The following PCDHA8 variants were observed in gnomAD, a reference collection of about 807,000 sequenced individuals.
PCDHA8 encodes the protein protocadherin alpha 8, also known as protocadherin alpha-8.
A neutral mutation model predicts 61.8 loss-of-function variants in PCDHA8; 53 were observed. The observed-to-expected ratio is 0.86, with a 90% confidence interval of 0.69 to 1.08. PCDHA8 has a LOEUF of 1.08. PCDHA8 is among the 50% of genes least tolerant of loss of function. The pLI, the probability that PCDHA8 is intolerant of heterozygous loss-of-function variation, is 0.00. For missense variants in PCDHA8, 1,293 were observed against 1,245.0 expected, an observed-to-expected ratio of 1.04 and a Z score of -0.58; for synonymous variants, 618 against 556.6, an observed-to-expected ratio of 1.11 and a Z score of -1.55.
intron 1 of PCDHA8, among the ~76,000 whole-genome samples, chr5:140,896,969 CACAA>C (rs1554187153): frequency 2.0e-5 from 3 of 152,106 alleles, no homozygotes; most frequent in African/African-American, 7.2e-5. Context: ...TTATTCTTTG[CACAA>C]ACAAACCAGT....
chr5:140,990,562 C>T (rs2097400496), intron 3 of PCDHA8, among the ~76,000 whole-genome samples: 1 of 152,210 alleles, frequency 6.6e-6, no homozygotes, highest in Non-Finnish European at 1.5e-5. Context: ...CAAGAACACA[C>T]ACCTGTTCGA....
chr5:140,865,376 G>A (rs1554159396), intron 1 of PCDHA8: 1 of 152,162 alleles, frequency 6.6e-6, no homozygotes, highest in African/African-American at 2.4e-5. Context: ...CATGTTATAG[G>A]TAGGGTAAAG....
At chr5:140,857,050 G>T in intron 1 of PCDHA8, 1 of 1,595,508 alleles carries the variant, frequency 6.3e-7, no homozygotes, top group Non-Finnish European at 8.6e-7. Flanking sequence ...GTCACTGCAC[G>T]GTCCTAGTGG....
intron 3 of PCDHA8, among the ~76,000 whole-genome samples, chr5:140,990,378 T>G (rs1554251448): frequency 6.6e-6 from 1 of 152,128 alleles, no homozygotes; most frequent in African/African-American, 2.4e-5. Context: ...GCAAATTTGT[T>G]GGTGATGTTC....
chr5:140,940,158 C>T (rs1159450232), intron 1 of PCDHA8, among the ~76,000 whole-genome samples: 3 of 151,970 alleles, frequency 2.0e-5, no homozygotes, highest in African/African-American at 7.3e-5. Context: ...TTTTTGTTTG[C>T]CTGAAATGTC....
chr5:140,924,103 TC>T (rs1377290150), intron 1 of PCDHA8, among the ~76,000 whole-genome samples: 1 of 152,234 alleles, frequency 6.6e-6, no homozygotes, highest in African/African-American at 2.4e-5. Flanking sequence ...AAATTTTCAT[TC>T]CAAAGCAGTT....
At chr5:140,900,014 T>C (rs1002415971) in intron 1 of PCDHA8, among the ~76,000 whole-genome samples, 1 of 152,032 alleles carries the variant, frequency 6.6e-6, no homozygotes, top group African/African-American at 2.4e-5. Flanking sequence ...CTCACTTTGT[T>C]ACCCAGTTTG....
rs1275122592 is a variant in PCDHA8 at position 140,843,553 on chromosome 5, G to C, written c.2232G>C (p.Ala744=). The change falls in exon 1 of 4, where the codon GCG becomes GCC. Residue 744 remains alanine, a synonymous_variant. Transcript: ENST00000531613. Reference sequence around the variant, plus strand: ...AGCCCACTCTGGTGTGCTCCAGTGCGGTGGGGAGCTGGTCATACTCGCAAC... The same window carrying C: ...AGCCCACTCTGGTGTGCTCCAGTGCCGTGGGGAGCTGGTCATACTCGCAAC... ...AGKPTLVCSS[A]VGSWSYSQQQ... 1.3e-6 allele frequency: 2 copies of C among 1,595,812 alleles called. No individual in the cohort carries two copies. The highest frequency in any genetic ancestry group is 1.7e-6 in the Non-Finnish European group (2 of 1,165,464).
At chr5:141,008,206 G>A (rs979113429) in intron 3 of PCDHA8, among the ~76,000 whole-genome samples, 1 of 152,184 alleles carries the variant, frequency 6.6e-6, no homozygotes, top group African/African-American at 2.4e-5. Flanking sequence ...TAATGAACTT[G>A]ACATGAGTTA....
chr5:140,959,696 G>A (rs1344206142), intron 1 of PCDHA8, among the ~76,000 whole-genome samples: 1 of 152,098 alleles, frequency 6.6e-6, no homozygotes, highest in Non-Finnish European at 1.5e-5. Flanking sequence ...AATAAAATGA[G>A]CTTTGAAAGG....
At chr5:140,902,125 A>G (rs530625414) in intron 1 of PCDHA8, among the ~76,000 whole-genome samples, 27 of 150,728 alleles carry the variant, frequency 1.8e-4, no homozygotes, top group African/African-American at 6.1e-4. Context: ...CTGAGATTAT[A>G]TCATCTGCAA....
intron 1 of PCDHA8, chr5:140,866,765 C>G (rs1053050045): frequency 6.6e-6 from 1 of 152,122 alleles, no homozygotes; most frequent in Non-Finnish European, 1.5e-5. Context: ...GACATACAGG[C>G]AGATTGTATG....
At position 140,856,102 on chromosome 5, in the gene PCDHA8, TCTC is replaced by T. The variant is rs782690525; in HGVS notation, c.2394+12391_2394+12393del. On this transcript the variant is annotated intron_variant, in intron 1 of 3. Coordinates refer to ENST00000531613, the MANE Select transcript of PCDHA8 (RefSeq NM_018911.3). Reference sequence around the variant, plus strand: ...TCCAGTGTCTGCTGCTCTCGCTTCTTCTCCTCGCAGCCTGGGAGGTGGGGAGCG... The same window carrying T: ...TCCAGTGTCTGCTGCTCTCGCTTCTTCTCGCAGCCTGGGAGGTGGGGAGCG... 5.6e-6 allele frequency: 9 copies of T among 1,597,726 alleles called. 1 individual carries two copies. The South Asian group carries it at 7.7e-5, about 14-fold the overall frequency.
At chr5:140,947,755 G>T (rs1415482913) in intron 1 of PCDHA8, among the ~76,000 whole-genome samples, 1 of 151,450 alleles carries the variant, frequency 6.6e-6, no homozygotes, top group Non-Finnish European at 1.5e-5. Flanking sequence ...GTATTTTATG[G>T]TTTAAAAAAT....
In PCDHA8 at chr5:140,842,531, T is replaced by G; in HGVS notation, c.1210T>G (p.Tyr404Asp). 1 of 1,613,052 alleles carries G rather than the reference T, an allele frequency of 6.2e-7. No homozygotes were observed. Among genetic ancestry groups the G allele is most frequent in the Non-Finnish European group, 8.5e-7 (1 of 1,179,102 alleles). Residue 404 changes from tyrosine to aspartate, a missense_variant, in exon 1 of 4, where the codon TAC becomes GAC. By Grantham distance (160) the Tyr-to-Asp change is radical. Coordinates refer to ENST00000531613, the MANE Select transcript of PCDHA8 (RefSeq NM_018911.3). The stretch of plus-strand genomic sequence containing the variant: ...CAAGCTGGTGTCCACCTTCAAGAAT[T>G]ACTACTCGTTGGTGCTGGACAGCGC... The part of the protein sequence containing the change: ...PFKLVSTFKN[Y>D]YSLVLDSALD...
intron 3 of PCDHA8, among the ~76,000 whole-genome samples, chr5:140,988,219 G>C (rs976112285): frequency 1.3e-5 from 2 of 152,132 alleles, no homozygotes; most frequent in African/African-American, 2.4e-5. Flanking sequence ...AAAAAAATGA[G>C]ATCAGGGATC....
chr5:140,982,611 T>G, intron 3 of PCDHA8, 48 bp downstream of exon 3: 2 of 1,600,048 alleles, frequency 1.2e-6, no homozygotes, highest in South Asian at 2.2e-5. Flanking sequence ...TGGAAAGTGA[T>G]CAGATGACCT....
chr5:140,880,736 T>C (rs1554171410), intron 1 of PCDHA8, among the ~76,000 whole-genome samples: 4 of 152,068 alleles, frequency 2.6e-5, no homozygotes, highest in Non-Finnish European at 5.9e-5. Context: ...ATAGAGAAAA[T>C]GGATTGTCAG....
At chr5:140,928,367 C>T (rs781897390) in intron 1 of PCDHA8, 1 of 1,614,170 alleles carries the variant, frequency 6.2e-7, no homozygotes, top group East Asian at 2.2e-5. Context: ...TCTGAAGGGC[C>T]ATCAGCCTCT....
Sources: allele counts gnomAD v4.1 joint callset (sites outside exome capture counted in the v4.1 genomes callset), GRCh38; gene constraint gnomAD v4.1.1; transcripts MANE v1.5; gene names NCBI Gene and HGNC (gene_info 2026-07-23, HGNC 2026-07-21).